Variants in CFAP57 observed in about 807,000 individuals in gnomAD.
CFAP57 encodes the protein cilia- and flagella-associated protein 57.
In CFAP57, 116 loss-of-function variants were observed where a neutral mutation model predicts 146.8. That is an observed-to-expected ratio of 0.79 (90% CI 0.68 to 0.92). The LOEUF is 0.92. Among genes scored for constraint, CFAP57 ranks in the 40% least tolerant of loss-of-function variants. The probability of loss-of-function intolerance (pLI) is 0.00; values close to 1 mark genes in which losing one functional copy is unlikely to be tolerated. For missense variants in CFAP57, 1,377 were observed against 1,527.2 expected (o/e 0.90, Z 1.64); for synonymous variants, 518 against 552.8 (o/e 0.94, Z 0.88).
chr1:43,190,636 G>A (rs1456521269), intron 6 of CFAP57, among the ~76,000 whole-genome samples: 4 of 151,992 alleles, frequency 2.6e-5, no homozygotes, highest in African/African-American at 9.7e-5. Context: ...TGTTTATCAG[G>A]CTGAAAAAGT....
chr1:43,222,853 G>T lies in CFAP57; in HGVS notation c.2562G>T (p.Arg854=). ...EAQEDVRQQL[R]EFEETKKQIE... ...AGGAAGACGTCAGGCAGCAGCTGCG[G>T]GAGTTTGAAGAGACCAAGAAGCAGA... is the stretch of plus-strand genomic sequence containing the variant. Residue 854 remains arginine (R), a synonymous_variant, in exon 16 of 23, where the codon CGG becomes CGT. Coordinates refer to ENST00000372492, the MANE Select transcript of CFAP57 (RefSeq NM_001378189.1). The T allele has an allele frequency of 6.5e-7, 1 of 1,548,446 alleles. No individual in the cohort carries two copies.
At chr1:43,191,624 A>G (rs915652051) in intron 6 of CFAP57, among the ~76,000 whole-genome samples, 1 of 140,872 alleles carries the variant, frequency 7.1e-6, no homozygotes, top group Non-Finnish European at 1.5e-5. Context: ...TCCCTCCTTC[A>G]TTTCTGATTG....
rs1377351523 is a variant in CFAP57 at position 43,206,917 on chromosome 1, G to A, written c.1740G>A (p.Glu580=). The A allele has an allele frequency of 1.2e-6, 2 of 1,613,708 alleles. No individual in the cohort carries two copies. The highest frequency in any genetic ancestry group is 1.7e-6 in the Non-Finnish European group (2 of 1,180,038). The change falls in exon 10 of 23, where the codon GAG becomes GAA. Residue 580 remains glutamate (E), a synonymous_variant. Transcript: ENST00000372492. ...FAVGSDHTLK[E]IADSLILREI... is the part of the protein sequence containing the mutation. ...TTGGATCAGACCACACCCTCAAGGA[G>A]ATTGCAGATTCCTTGGTGAGTCTGC...
chr1:43,240,449 C>T (rs1037441657), intron 21 of CFAP57, among the ~76,000 whole-genome samples: 1 of 152,158 alleles, frequency 6.6e-6, no homozygotes, highest in African/African-American at 2.4e-5. Flanking sequence ...AACTGCCTGG[C>T]CTTGAGGGTT....
intron 11 of CFAP57, 86 bp from the exon 12 acceptor site, chr1:43,215,169 G>GC (rs1644785192): frequency 6.9e-7 from 1 of 1,439,484 alleles, no homozygotes; most frequent in Non-Finnish European, 9.4e-7. Flanking sequence ...AGGATTGCAT[G>GC]GGGGGAAGCC....
At chr1:43,204,212 T>C (rs1644255925) in intron 9 of CFAP57, among the ~76,000 whole-genome samples, 1 of 152,228 alleles carries the variant, frequency 6.6e-6, no homozygotes, top group African/African-American at 2.4e-5. Flanking sequence ...ATATTCTTTA[T>C]TTGATGAGGC....
intron 11 of CFAP57, among the ~76,000 whole-genome samples, chr1:43,211,948 A>G (rs1235798848): frequency 1.3e-5 from 2 of 152,210 alleles, no homozygotes; most frequent in Admixed American, 6.5e-5. Flanking sequence ...ATTCAAGAGT[A>G]TTGCTATTCT....
intron 6 of CFAP57, among the ~76,000 whole-genome samples, chr1:43,192,857 G>C (rs769843665): frequency 6.6e-6 from 1 of 152,034 alleles, no homozygotes; most frequent in South Asian, 2.1e-4. Context: ...AACCCGGGAG[G>C]TGGAGGTTGC....
chr1:43,232,289 G>A, intron 18 of CFAP57: 1 of 589,424 alleles, frequency 1.7e-6, no homozygotes, highest in South Asian at 2.2e-5. Flanking sequence ...GCCTGGCCGT[G>A]GAAACACGTG....
Position 43,172,873 on chromosome 1 carries a change from G to A in CFAP57, c.120G>A (p.Lys40=). The A allele has an allele frequency of 6.2e-7, 1 of 1,614,128 alleles. No individual in the cohort carries two copies. The change falls in exon 2 of 23, where the codon AAG becomes AAA. Residue 40 remains lysine (K), a synonymous_variant. Transcript: ENST00000372492. ...IIFPSGNHCV[K]YNVDQKWQKF... is the part of the protein sequence containing the mutation. ...TTCCTTCAGGAAATCACTGTGTGAA[G>A]TACAATGTGGATCAGAAATGGCAAA...
chr1:43,178,520 C>T (rs562313889), intron 2 of CFAP57, among the ~76,000 whole-genome samples: 27 of 152,116 alleles, frequency 1.8e-4, no homozygotes, highest in South Asian at 4.2e-4. Context: ...TGCAGCCAAC[C>T]GACACATGAA....
At chr1:43,198,429 G>A in intron 7 of CFAP57, 52 bp from the exon 8 acceptor site, 1 of 1,582,040 alleles carries the variant, frequency 6.3e-7, no homozygotes, top group Admixed American at 1.7e-5. Context: ...GTAGATGACT[G>A]GAAGGATTTA....
intron 5 of CFAP57, among the ~76,000 whole-genome samples, chr1:43,186,233 C>T (rs1411662826): frequency 6.6e-6 from 1 of 152,004 alleles, no homozygotes; most frequent in Admixed American, 6.6e-5. Context: ...CAGAGCCAGA[C>T]CCTCTCTCAA....
At chr1:43,220,095 A>G (rs887081199) in intron 13 of CFAP57, among the ~76,000 whole-genome samples, 38 of 152,250 alleles carry the variant, frequency 2.5e-4, no homozygotes, top group African/African-American at 7.7e-4. Flanking sequence ...GATCTATAGT[A>G]GTAAAATACA....
At chr1:43,207,794 T>A (rs1644419755) in intron 10 of CFAP57, among the ~76,000 whole-genome samples, 1 of 152,204 alleles carries the variant, frequency 6.6e-6, no homozygotes, top group Non-Finnish European at 1.5e-5. Flanking sequence ...GACTGGTGCC[T>A]GGGAAAGTGC....
Position 43,227,121 on chromosome 1 carries a change from C to T in CFAP57, c.3004C>T (p.Gln1002Ter). 1 of 1,531,644 alleles carries T rather than the reference C, an allele frequency of 6.5e-7. No homozygotes were observed. The highest frequency in any genetic ancestry group is 8.8e-7 in the Non-Finnish European group (1 of 1,139,180). 94.9% of individuals were successfully genotyped at this position (1,531,644 alleles called of 1,614,324 possible). A position where few individuals can be genotyped will look rare whatever the true frequency, so the allele number is the denominator to read the frequency against. Reference sequence around the variant, plus strand: ...GATCAGGGTGATGAAGGAACAGATTCAGGAGGTAAGAAGCCATTTGCAACA... The same window carrying T: ...GATCAGGGTGATGAAGGAACAGATTTAGGAGGTAAGAAGCCATTTGCAACA... ...NEIRVMKEQI[Q>*]EMEAELENFH... Residue 1002 changes from glutamine (Q) to a stop codon, truncating the protein, a stop_gained, in exon 18 of 23, where the codon CAG becomes TAG. Transcript: ENST00000372492. LOFTEE classifies it high-confidence loss of function.
At chr1:43,206,995 C>T in intron 10 of CFAP57, 63 bp downstream of exon 10, 1 of 1,545,956 alleles carries the variant, frequency 6.5e-7, no homozygotes, top group South Asian at 1.1e-5. Context: ...GCTTCCCGTG[C>T]TTACAGCACA....
At chr1:43,200,075 C>T (rs1036349005) in intron 9 of CFAP57, among the ~76,000 whole-genome samples, 6 of 151,460 alleles carry the variant, frequency 4.0e-5, no homozygotes, top group African/African-American at 1.2e-4. Context: ...ACTTTGGCAG[C>T]AGAGTGAAGA....
intron 1 of CFAP57, 62 bp downstream of exon 1, chr1:43,172,515 A>G (rs942144127): frequency 6.8e-6 from 9 of 1,329,416 alleles, no homozygotes; most frequent in South Asian, 2.6e-5. Context: ...ACAAAGGAAA[A>G]GGCAGAAAAA....
Sources: gnomAD v4.1 joint callset for allele counts (sites outside exome capture counted in the v4.1 genomes callset) on GRCh38, gnomAD v4.1.1 for gene constraint, MANE v1.5 for transcripts, NCBI Gene and HGNC (gene_info 2026-07-23, HGNC 2026-07-21) for gene names.